Variants in TFEB observed in about 807,000 individuals in gnomAD.
TFEB encodes the protein T-cell transcription factor EB.
In TFEB, 12 loss-of-function variants were observed where a neutral mutation model predicts 48.0. The ratio of observed to expected loss-of-function variants is 0.25; its 90% CI spans 0.16 to 0.40. The LOEUF (loss-of-function observed/expected upper bound fraction) is 0.40. Among genes scored for constraint, TFEB ranks in the 10% least tolerant of loss-of-function variants. TFEB has a pLI of 1.00. For missense variants in TFEB, 509 were observed against 640.3 expected, an observed-to-expected ratio of 0.79 and a Z score of 2.21; for synonymous variants, 244 against 261.4, an observed-to-expected ratio of 0.93 and a Z score of 0.64.
chr6:41,724,815 G>T lies in TFEB; in HGVS notation c.-23+10535C>A, dbSNP rs79192880. 0.1 allele frequency among the ~76,000 whole-genome samples: 15,825 copies of T among 152,230 alleles called. 1,041 individuals carry two copies. Among genetic ancestry groups the T allele is most frequent in the East Asian group, 0.23 (1,165 of 5,168 alleles). On this transcript the variant is annotated intron_variant, in intron 1 of 8. Coordinates refer to ENST00000373033, the MANE Select transcript of TFEB (RefSeq NM_001271944.2). This position sits in a 1 kb window ranked among gnomAD's most constrained non-coding sequence, Gnocchi z 4.4. ...AAAGGCTGGGGCCCGCAGGGACTGT[G>T]GGGGAAGCGCCTCACAGCCCCTGCA...
chr6:41,734,338 A>C lies in TFEB; in HGVS notation c.-23+1012T>G. 1.0e-6 allele frequency: 1 copy of C among 984,200 alleles called. No homozygotes were observed. Among genetic ancestry groups the C allele is most frequent in the African/African-American group, 1.8e-5 (1 of 57,068 alleles). 61.0% of individuals were successfully genotyped at this position (984,200 alleles called of 1,614,324 possible). On this transcript the variant is annotated intron_variant, in intron 1 of 8. Transcript: ENST00000373033. The surrounding 1 kb of genome is among the most constrained non-coding windows in gnomAD (Gnocchi z 4.0). ...CCGGGGCGCGGGGCTGGGGCGCGCCAGGCGGCTGCGGCGCGAACCTGCTCG... is the reference window on the plus strand; with the variant it reads ...CCGGGGCGCGGGGCTGGGGCGCGCCCGGCGGCTGCGGCGCGAACCTGCTCG...
At chr6:41,712,156 T>A (rs1770510257) in intron 1 of TFEB, among the ~76,000 whole-genome samples, 1 of 152,184 alleles carries the variant, frequency 6.6e-6, no homozygotes, top group Non-Finnish European at 1.5e-5. Context: ...TCTGGAAACC[T>A]GCTCTGCCTG....
At chr6:41,713,270 C>A (rs1348371036) in intron 1 of TFEB, among the ~76,000 whole-genome samples, 2 of 152,128 alleles carry the variant, frequency 1.3e-5, no homozygotes, top group Non-Finnish European at 2.9e-5. Flanking sequence ...AATGAGTCAC[C>A]AGCTGGCTGC....
chr6:41,714,108 C>T (rs1417215308), intron 1 of TFEB, among the ~76,000 whole-genome samples: 1 of 142,888 alleles, frequency 7.0e-6, no homozygotes, highest in Non-Finnish European at 1.5e-5. Context: ...TGTGTGTGTG[C>T]ACGTGTGTGT....
intron 1 of TFEB, among the ~76,000 whole-genome samples, chr6:41,704,037 G>A (rs1347383692): frequency 6.6e-6 from 1 of 152,108 alleles, no homozygotes; most frequent in Admixed American, 6.5e-5. Context: ...TCAGTGAAGG[G>A]GCTCTTGGCT....
At chr6:41,717,090 C>G (rs1770770236) in intron 1 of TFEB, among the ~76,000 whole-genome samples, 2 of 152,188 alleles carry the variant, frequency 1.3e-5, no homozygotes, top group Admixed American at 1.3e-4. Context: ...TTTCCCCACT[C>G]TAACACCAAC....
chr6:41,734,837 G>T lies in TFEB; in HGVS notation c.-23+513C>A. Reference sequence around the variant, plus strand: ...AGCCCAGCCCCCGGGGCGTGGCGCCGCTCTGGCCCTCCCACTCCCCCCGCT... The same window carrying T: ...AGCCCAGCCCCCGGGGCGTGGCGCCTCTCTGGCCCTCCCACTCCCCCCGCT... On this transcript the variant is annotated intron_variant, in intron 1 of 8. Coordinates refer to ENST00000373033, the MANE Select transcript of TFEB (RefSeq NM_001271944.2). This position sits in a 1 kb window ranked among gnomAD's most constrained non-coding sequence, Gnocchi z 4.0. 1 of 944,166 alleles carries T rather than the reference G, an allele frequency of 1.1e-6. No homozygotes were observed. Among genetic ancestry groups the T allele is most frequent in the Non-Finnish European group, 1.3e-6 (1 of 793,060 alleles). The allele number at this position is 944,166 out of a possible 1,614,324, so 58.5% of individuals were successfully genotyped here.
rs527644674 is a variant in TFEB, at chr6:41,733,682, GGACCTCAAGGCAGCT to G, written c.-23+1653_-23+1667del. 378 of 985,184 alleles carry G rather than the reference GGACCTCAAGGCAGCT, an allele frequency of 3.8e-4. 2 individuals are homozygous for G. The African/African-American group carries it at 5.5e-3, about 14-fold the overall frequency. 61.0% of individuals were successfully genotyped at this position (985,184 alleles called of 1,614,324 possible). ...AGCATACCGTCAGGTTAGCAGGCAGGGACCTCAAGGCAGCTGACCCTTCCCTTCCTCTGCCTCTGC... is the reference window on the plus strand; with the variant it reads ...AGCATACCGTCAGGTTAGCAGGCAGGGACCCTTCCCTTCCTCTGCCTCTGC... On this transcript the variant is annotated intron_variant, in intron 1 of 8. Coordinates refer to ENST00000373033, the MANE Select transcript of TFEB (RefSeq NM_001271944.2).
Position 41,734,880 on chromosome 6 carries a change from C to T in TFEB, c.-23+470G>A, listed in dbSNP as rs1156608985. On this transcript the variant is annotated intron_variant, in intron 1 of 8. Transcript: ENST00000373033. This position sits in a 1 kb window ranked among gnomAD's most constrained non-coding sequence, Gnocchi z 4.0. The stretch of plus-strand genomic sequence containing the variant: ...CCCCCGCTGGCCTGGCCAGACTCAG[C>T]CCCCGCACACCTCCCCTACCTCCGA... 5.1e-6 allele frequency: 5 copies of T among 984,884 alleles called. No homozygotes were observed. The highest frequency in any genetic ancestry group is 1.7e-5 in the African/African-American group (1 of 57,156). The allele number at this position is 984,884 out of a possible 1,614,324, so 61.0% of individuals were successfully genotyped here.
intron 4 of TFEB, among the ~76,000 whole-genome samples, chr6:41,689,467 C>A (rs996644554): frequency 6.6e-6 from 1 of 152,234 alleles, no homozygotes; most frequent in African/African-American, 2.4e-5. Context: ...AAAGCTCCCC[C>A]CACAGGCCCA....
At chr6:41,713,677 G>T (rs1770584537) in intron 1 of TFEB, among the ~76,000 whole-genome samples, 1 of 152,138 alleles carries the variant, frequency 6.6e-6, no homozygotes, top group Non-Finnish European at 1.5e-5. Flanking sequence ...TACTCCTCAG[G>T]CTGTGGCCAA....
chr6:41,686,713 G>A (rs921742668), intron 7 of TFEB: 35 of 259,054 alleles, frequency 1.4e-4, no homozygotes, highest in South Asian at 7.8e-4. Context: ...ATGGGGTTTC[G>A]CCATGTTGGC....
At chr6:41,707,293 G>C (rs1171180998) in intron 1 of TFEB, among the ~76,000 whole-genome samples, 2 of 152,198 alleles carry the variant, frequency 1.3e-5, no homozygotes, top group African/African-American at 2.4e-5. Flanking sequence ...GACTCGGGCT[G>C]CCATGGCTGG....
At chr6:41,721,372 T>TACACACACACACACACACAC (rs58269771) in intron 1 of TFEB, among the ~76,000 whole-genome samples, 1 of 144,698 alleles carries the variant, frequency 6.9e-6, no homozygotes, top group African/African-American at 2.5e-5. Context: ...TAGGCACACA[T>TACACACACACACACACACAC]ACACACACAC....
chr6:41,699,669 T>A (rs1043089170), intron 1 of TFEB, among the ~76,000 whole-genome samples: 1 of 152,228 alleles, frequency 6.6e-6, no homozygotes, highest in Non-Finnish European at 1.5e-5. Context: ...CCTGGCACAC[T>A]GGAGATACTT....
chr6:41,713,212 C>G (rs1013173861), intron 1 of TFEB, among the ~76,000 whole-genome samples: 11 of 152,164 alleles, frequency 7.2e-5, no homozygotes, highest in African/African-American at 2.4e-4. Context: ...CAGCCTGCAC[C>G]AGGGTGCTGG....
At chr6:41,719,871 G>A (rs528070077) in intron 1 of TFEB, among the ~76,000 whole-genome samples, 197 of 152,242 alleles carry the variant, frequency 1.3e-3, no homozygotes, top group African/African-American at 4.5e-3. Context: ...AGGTAACCTT[G>A]GGTGAGAGAT....
intron 1 of TFEB, among the ~76,000 whole-genome samples, chr6:41,695,887 C>G (rs1287634858): frequency 1.3e-5 from 2 of 152,186 alleles, no homozygotes; most frequent in Admixed American, 1.3e-4. Context: ...CAGTCATGTC[C>G]AAAGGTGGGT....
At chr6:41,694,126 G>A (rs937309064) in intron 1 of TFEB, among the ~76,000 whole-genome samples, 3 of 152,208 alleles carry the variant, frequency 2.0e-5, no homozygotes, top group African/African-American at 7.2e-5. Flanking sequence ...CTCTGACAAA[G>A]AGCTGAGCGT....
Sources: allele counts gnomAD v4.1 joint callset (sites outside exome capture counted in the v4.1 genomes callset), GRCh38; gene constraint gnomAD v4.1.1; non-coding constraint Gnocchi (gnomAD v3.1); transcripts MANE v1.5; gene names NCBI Gene and HGNC (gene_info 2026-07-23, HGNC 2026-07-21).